NAB1: variants seen among roughly 807,000 people sequenced by gnomAD.
The protein encoded by NAB1 is NGFI-A binding protein 1.
In NAB1, 25 loss-of-function variants were observed where a neutral mutation model predicts 49.9. That is an observed-to-expected ratio of 0.50 (90% confidence interval 0.37 to 0.70). NAB1 has a LOEUF of 0.70. NAB1 is among the 30% of genes least tolerant of loss of function. The pLI, the probability that NAB1 is intolerant of heterozygous loss-of-function variation, is 0.00. For synonymous variants in NAB1, 198 were observed against 215.6 expected (o/e 0.92, Z 0.71); for missense variants, 489 against 575.9 (o/e 0.85, Z 1.54).
rs1258549192 is a variant in NAB1 at position 190,682,999 on chromosome 2, T to C, written c.1006-739T>C. Reference sequence around the variant, plus strand: ...TCCATGAAAATATTTTTGCAGTGTTTTTCATAAAACCAAAAATTAGGAAAA... The same window carrying C: ...TCCATGAAAATATTTTTGCAGTGTTCTTCATAAAACCAAAAATTAGGAAAA... On this transcript the variant is annotated intron_variant, in intron 6 of 9. Transcript: ENST00000337386. This position sits in a 1 kb window ranked among gnomAD's most constrained non-coding sequence, Gnocchi z 4.1. 2.0e-5 allele frequency among the ~76,000 whole-genome samples: 3 copies of C among 152,192 alleles called. 1 individual carries two copies. Among genetic ancestry groups the C allele is most frequent in the Admixed American group, 2.0e-4 (3 of 15,282 alleles).
chr2:190,672,804 C>T (rs1425927155), intron 5 of NAB1, among the ~76,000 whole-genome samples: 1 of 145,852 alleles, frequency 6.9e-6, no homozygotes, highest in East Asian at 2.2e-4. Flanking sequence ...ATAGTGAGAC[C>T]CCATCTTTAA....
intron 5 of NAB1, among the ~76,000 whole-genome samples, chr2:190,671,769 CTTTTTTTTTT>C (rs1177937369): frequency 2.8e-5 from 2 of 71,750 alleles, no homozygotes; most frequent in East Asian, 5.0e-4. Flanking sequence ...TTCACCTTTC[CTTTTTTTTTT>C]TTTTTTTTTT....
chr2:190,664,672 T>A (rs1694419306), intron 4 of NAB1, among the ~76,000 whole-genome samples: 2 of 135,414 alleles, frequency 1.5e-5, no homozygotes, highest in Admixed American at 7.8e-5. Flanking sequence ...GCTCAAGCGA[T>A]CTATCTGCTT....
rs533964483 is a variant in NAB1 at position 190,667,070 on chromosome 2, C to T, written c.820-3256C>T. On this transcript the variant is annotated intron_variant, in intron 4 of 9. Transcript: ENST00000337386. The surrounding 1 kb of genome is among the most constrained non-coding windows in gnomAD (Gnocchi z 4.4). The stretch of plus-strand genomic sequence containing the variant: ...TTCATGAATCAGCTTTTTATTACAA[C>T]TTGGGGGTGAGCTAGAGTTACTTCT... Among the ~76,000 whole-genome samples the T allele has an allele frequency of 6.6e-6, 1 of 152,286 alleles. No individual in the cohort carries two copies. The highest frequency in any genetic ancestry group is 6.5e-5 in the Admixed American group (1 of 15,298).
At chr2:190,661,273 T>C (rs1421903304) in intron 4 of NAB1, among the ~76,000 whole-genome samples, 1 of 152,164 alleles carries the variant, frequency 6.6e-6, no homozygotes, top group Admixed American at 6.5e-5. Flanking sequence ...ATGTTGGAGC[T>C]TGAGATCAGA....
intron 3 of NAB1, among the ~76,000 whole-genome samples, chr2:190,658,358 T>C (rs1280747845): frequency 6.6e-6 from 1 of 152,162 alleles, no homozygotes; most frequent in Non-Finnish European, 1.5e-5. Context: ...TCATCCTCAT[T>C]TTTCTGTGTC....
intron 5 of NAB1, among the ~76,000 whole-genome samples, chr2:190,672,054 G>A (rs1024230162): frequency 6.6e-6 from 1 of 152,148 alleles, no homozygotes; most frequent in Admixed American, 6.5e-5. Context: ...GATTACAGGC[G>A]TGAGCCACTG....
rs1199878888 is a variant in NAB1, at chr2:190,675,340, G to T, written c.1005+2188G>T. 2.0e-5 allele frequency among the ~76,000 whole-genome samples: 3 copies of T among 152,174 alleles called. No homozygotes were observed. Among genetic ancestry groups the T allele is most frequent in the Non-Finnish European group, 2.9e-5 (2 of 68,020 alleles). Reference sequence around the variant, plus strand: ...GAAATTTGTGATCATGAATCTCATGGACTGTTTGAGCTGCAGTTGTTTCTT... The same window carrying T: ...GAAATTTGTGATCATGAATCTCATGTACTGTTTGAGCTGCAGTTGTTTCTT... On this transcript the variant is annotated intron_variant, in intron 6 of 9. Coordinates refer to ENST00000337386, the MANE Select transcript of NAB1 (RefSeq NM_005966.4). The surrounding 1 kb of genome is among the most constrained non-coding windows in gnomAD (Gnocchi z 5.2).
chr2:190,650,325 C>T (rs1479507276), intron 2 of NAB1, among the ~76,000 whole-genome samples: 1 of 152,080 alleles, frequency 6.6e-6, no homozygotes, highest in Admixed American at 6.5e-5. Flanking sequence ...AGTTGGTTTG[C>T]CAGTGACGTG....
chr2:190,650,508 C>T (rs889767329), intron 2 of NAB1, among the ~76,000 whole-genome samples: 8 of 152,178 alleles, frequency 5.3e-5, no homozygotes, highest in Non-Finnish European at 2.9e-5. Context: ...AAAGTGTTCA[C>T]GCAATGACTT....
At chr2:190,664,352 T>C (rs1192123235) in intron 4 of NAB1, among the ~76,000 whole-genome samples, 2 of 151,288 alleles carry the variant, frequency 1.3e-5, no homozygotes, top group African/African-American at 4.8e-5. Context: ...TTTATATCTT[T>C]TTTTTTTTTG....
intron 6 of NAB1, among the ~76,000 whole-genome samples, chr2:190,673,715 A>T (rs1268753289): frequency 3.3e-5 from 5 of 152,216 alleles, no homozygotes. Flanking sequence ...AGTAGCTATA[A>T]ATTACAGAGA....
At chr2:190,664,253 A>G (rs1223004204) in intron 4 of NAB1, among the ~76,000 whole-genome samples, 1 of 152,144 alleles carries the variant, frequency 6.6e-6, no homozygotes, top group East Asian at 1.9e-4. Context: ...ATTAACCTTT[A>G]ATAATGTATT....
chr2:190,650,202 T>A (rs1029667608), intron 2 of NAB1, among the ~76,000 whole-genome samples: 1 of 152,200 alleles, frequency 6.6e-6, no homozygotes, highest in Non-Finnish European at 1.5e-5. Flanking sequence ...ATCGTAGACT[T>A]GCATGTACTT....
chr2:190,659,792 A>G lies in NAB1; in HGVS notation c.616A>G (p.Met206Val), dbSNP rs367596026. 1.7e-5 allele frequency: 27 copies of G among 1,614,062 alleles called. No individual in the cohort carries two copies. The highest frequency in any genetic ancestry group is 2.0e-5 in the Non-Finnish European group (24 of 1,180,020). ...CTCTGTGGCTGAGTGTGTGGAGCGG[A>G]TGGCCCCCACACTGCCAAAAAGTGA... Reference protein sequence around the residue: ...ALSVAECVERMAPTLPKSDLN... With the variant: ...ALSVAECVERVAPTLPKSDLN... The change falls in exon 4 of 10, where the codon ATG (methionine) becomes GTG (valine). Residue 206 changes from methionine to valine, a missense_variant. Physicochemically the swap from Met to Val is conservative, Grantham distance 21 (BLOSUM62 1). Coordinates refer to ENST00000337386, the MANE Select transcript of NAB1 (RefSeq NM_005966.4). The surrounding 1 kb of genome is among the most constrained non-coding windows in gnomAD (Gnocchi z 6.2).
rs930510176 is a variant in NAB1, at chr2:190,666,339, T to G, written c.820-3987T>G. Among the ~76,000 whole-genome samples, 13 of 152,176 alleles carry G rather than the reference T, an allele frequency of 8.5e-5. No individual in the cohort carries two copies. On this transcript the variant is annotated intron_variant, in intron 4 of 9. Coordinates refer to ENST00000337386, the MANE Select transcript of NAB1 (RefSeq NM_005966.4). The surrounding 1 kb of genome is among the most constrained non-coding windows in gnomAD (Gnocchi z 5.6). ...CCTGTAAAGAAAGTTTTTTTAGGAA[T>G]CAGTAAACCACTCTTCTTAAGGATA...
At position 190,655,969 on chromosome 2, in the gene NAB1, T is replaced by C. The variant is rs1312496866; in HGVS notation, c.-196-8T>C. On this transcript the variant is annotated splice_region_variant and splice_polypyrimidine_tract_variant and intron_variant, in intron 2 of 9. Coordinates refer to ENST00000337386, the MANE Select transcript of NAB1 (RefSeq NM_005966.4). Reference sequence around the variant, plus strand: ...CTTCCCCTAACATCATTGGGATTCTTTTTATAGGACTGAGCAGGGGGAGGA... The same window carrying C: ...CTTCCCCTAACATCATTGGGATTCTCTTTATAGGACTGAGCAGGGGGAGGA... 1 of 152,254 alleles carries C rather than the reference T, an allele frequency of 6.6e-6. No homozygotes were observed. Among genetic ancestry groups the C allele is most frequent in the Non-Finnish European group, 1.5e-5 (1 of 68,052 alleles). The allele number at this position is 152,254 out of a possible 1,614,324, so 9.4% of individuals were successfully genotyped here. A position where few individuals can be genotyped will look rare whatever the true frequency, so the allele number is the denominator to read the frequency against.
At position 190,677,107 on chromosome 2, in the gene NAB1, T is replaced by G. The variant is rs1457956908; in HGVS notation, c.1005+3955T>G. The G allele has an allele frequency of 2.0e-5, 3 of 152,156 alleles. No individual in the cohort carries two copies. The highest frequency in any genetic ancestry group is 6.5e-5 in the Admixed American group (1 of 15,270). 9.4% of individuals were successfully genotyped at this position (152,156 alleles called of 1,614,324 possible). A position where few individuals can be genotyped will look rare whatever the true frequency, so the allele number is the denominator to read the frequency against. On this transcript the variant is annotated intron_variant, in intron 6 of 9. Transcript: ENST00000337386. The surrounding 1 kb of genome is among the most constrained non-coding windows in gnomAD (Gnocchi z 5.6). ...ACATGAAGGCTTGGGTGGAATGAAGTTATAATTCATTGACTTGTCTGATTT... is the reference window on the plus strand; with the variant it reads ...ACATGAAGGCTTGGGTGGAATGAAGGTATAATTCATTGACTTGTCTGATTT...
In NAB1 at chr2:190,671,491, T is replaced by A. The variant is rs1265010031; in HGVS notation, c.953+1032T>A. ...ACATTCTATGGGATTATTTATAAGG[T>A]TTTTTTTTTGGAGTTGGATAATCAA... On this transcript the variant is annotated intron_variant, in intron 5 of 9. Transcript: ENST00000337386. Among the ~76,000 whole-genome samples the A allele has an allele frequency of 3.4e-5, 5 of 148,582 alleles. No individual in the cohort carries two copies. In the East Asian group the frequency reaches 9.8e-4, roughly 29 times the overall value.
Sources: allele counts gnomAD v4.1 joint callset (sites outside exome capture counted in the v4.1 genomes callset), GRCh38; gene constraint gnomAD v4.1.1; non-coding constraint Gnocchi (gnomAD v3.1); transcripts MANE v1.5; gene names NCBI Gene and HGNC (gene_info 2026-07-23, HGNC 2026-07-21).